SPIDR: variants seen among roughly 807,000 people sequenced by gnomAD.
SPIDR encodes scaffold protein involved in DNA repair, also known as DNA repair-scaffolding protein.
SPIDR carries 93 observed loss-of-function variants against 104.6 expected under a neutral mutation model. The observed-to-expected ratio is 0.89, with a 90% CI of 0.75 to 1.06. SPIDR has a LOEUF of 1.06. SPIDR is among the 50% of genes least tolerant of loss of function. The pLI, the probability that SPIDR is intolerant of heterozygous loss-of-function variation, is 0.00. For synonymous variants in SPIDR, 431 were observed against 416.9 expected (o/e 1.03, Z -0.41); for missense variants, 1,154 against 1,111.2 (o/e 1.04, Z -0.55).
At chr8:47,337,878 A>T (rs1204554342) in intron 5 of SPIDR, among the ~76,000 whole-genome samples, 2 of 152,182 alleles carry the variant, frequency 1.3e-5, no homozygotes, top group African/African-American at 4.8e-5. Context: ...CTTGTGAAAA[A>T]TTAGTTTACT....
chr8:47,488,196 A>G lies in SPIDR; in HGVS notation c.1097+47654A>G, dbSNP rs549485091. ...TCACCACCGGTCCCACAGAAATGCA[A>G]ACTACCATCAGAGAATACTATAAAC... On this transcript the variant is annotated intron_variant, in intron 8 of 19. Transcript: ENST00000297423. 3.3e-5 allele frequency among the ~76,000 whole-genome samples: 5 copies of G among 152,352 alleles called. No homozygotes were observed. In the South Asian group the frequency reaches 8.3e-4, roughly 25 times the overall value.
At chr8:47,574,825 G>T (rs2058896875) in intron 8 of SPIDR, among the ~76,000 whole-genome samples, 1 of 151,934 alleles carries the variant, frequency 6.6e-6, no homozygotes, top group African/African-American at 2.4e-5. Flanking sequence ...TTTTATCAAG[G>T]CAATCTGTAT....
intron 5 of SPIDR, among the ~76,000 whole-genome samples, chr8:47,350,401 C>T (rs1215243895): frequency 1.3e-5 from 2 of 152,208 alleles, no homozygotes; most frequent in Non-Finnish European, 1.5e-5. Flanking sequence ...GCAACCTCTA[C>T]CTCCTGGGTT....
chr8:47,511,258 G>C, intron 8 of SPIDR: 1 of 1,579,488 alleles, frequency 6.3e-7, no homozygotes, highest in Middle Eastern at 1.8e-4. Context: ...TTGGATGTTT[G>C]TGGTAGTCTC....
intron 5 of SPIDR, among the ~76,000 whole-genome samples, chr8:47,350,547 T>C (rs1356415777): frequency 1.3e-5 from 2 of 151,940 alleles, no homozygotes; most frequent in African/African-American, 4.8e-5. Context: ...CTCTTGACAT[T>C]AAGTGATCTG....
chr8:47,364,141 T>G (rs1158764000), intron 5 of SPIDR, among the ~76,000 whole-genome samples: 2 of 152,250 alleles, frequency 1.3e-5, no homozygotes, highest in Non-Finnish European at 2.9e-5. Context: ...GTTTGGTTCT[T>G]GATGAAAGTA....
intron 8 of SPIDR, among the ~76,000 whole-genome samples, chr8:47,588,648 A>G (rs1023170022): frequency 6.6e-6 from 1 of 152,126 alleles, no homozygotes; most frequent in Non-Finnish European, 1.5e-5. Context: ...CTTGTTTTCC[A>G]TCTTAGGTGG....
At chr8:47,343,783 A>G (rs1260277394) in intron 5 of SPIDR, among the ~76,000 whole-genome samples, 1 of 152,106 alleles carries the variant, frequency 6.6e-6, no homozygotes, top group Non-Finnish European at 1.5e-5. Context: ...TTTCATTCCC[A>G]GAAGTTTCTA....
chr8:47,643,840 G>C (rs1413837905), intron 10 of SPIDR, among the ~76,000 whole-genome samples: 1 of 152,124 alleles, frequency 6.6e-6, no homozygotes, highest in African/African-American at 2.4e-5. Context: ...TCATGAAATA[G>C]AAATTCAGCT....
At chr8:47,700,579 C>A in intron 12 of SPIDR, 89 bp downstream of exon 12, 1 of 1,289,980 alleles carries the variant, frequency 7.8e-7, no homozygotes, top group South Asian at 1.2e-5. Context: ...CTCACATGGT[C>A]TGTGTCCCCT....
chr8:47,413,629 C>T (rs1461635194), intron 7 of SPIDR, among the ~76,000 whole-genome samples: 1 of 152,150 alleles, frequency 6.6e-6, no homozygotes, highest in African/African-American at 2.4e-5. Flanking sequence ...CATGGGCGAA[C>T]TTTGAATTGG....
chr8:47,386,059 T>C (rs1457079878), intron 5 of SPIDR, among the ~76,000 whole-genome samples: 1 of 151,482 alleles, frequency 6.6e-6, no homozygotes, highest in African/African-American at 2.4e-5. Context: ...GGGATCCAGC[T>C]TTTTTTTTCT....
intron 14 of SPIDR, among the ~76,000 whole-genome samples, chr8:47,705,553 C>T (rs1395184395): frequency 6.6e-6 from 1 of 152,170 alleles, no homozygotes; most frequent in Non-Finnish European, 1.5e-5. Flanking sequence ...GCATCCTTGG[C>T]AGTGAGGGTT....
intron 8 of SPIDR, among the ~76,000 whole-genome samples, chr8:47,516,381 A>G (rs547975458): frequency 2.1e-4 from 32 of 152,336 alleles, no homozygotes; most frequent in African/African-American, 7.2e-4. Flanking sequence ...CTTCATTTCC[A>G]GAACTTTTTC....
intron 8 of SPIDR, chr8:47,592,271 A>C (rs1201453132): frequency 8.3e-7 from 1 of 1,203,876 alleles, no homozygotes; most frequent in Non-Finnish European, 1.2e-6. Flanking sequence ...AGCACATAAC[A>C]AGGCCTGGGT....
At chr8:47,708,307 A>C (rs1365662386) in intron 14 of SPIDR, among the ~76,000 whole-genome samples, 2 of 152,224 alleles carry the variant, frequency 1.3e-5, no homozygotes, top group Admixed American at 1.3e-4. Flanking sequence ...TCAAAAACAA[A>C]CAAACAAACA....
At chr8:47,657,964 A>G (rs910944116) in intron 10 of SPIDR, among the ~76,000 whole-genome samples, 1 of 141,030 alleles carries the variant, frequency 7.1e-6, no homozygotes, top group African/African-American at 2.6e-5. Flanking sequence ...CAGGAGGTTG[A>G]GGCTGCACTG....
chr8:47,577,009 T>C (rs2059205277), intron 8 of SPIDR, among the ~76,000 whole-genome samples: 1 of 152,230 alleles, frequency 6.6e-6, no homozygotes, highest in African/African-American at 2.4e-5. Flanking sequence ...ATGTTTATTA[T>C]AAAATGTGCG....
chr8:47,653,150 C>G (rs994548268), intron 10 of SPIDR, among the ~76,000 whole-genome samples: 1 of 152,138 alleles, frequency 6.6e-6, no homozygotes, highest in African/African-American at 2.4e-5. Flanking sequence ...GGCTTTATTC[C>G]CTCCAAGAAC....
Sources: allele counts gnomAD v4.1 joint callset (sites outside exome capture counted in the v4.1 genomes callset), GRCh38; gene constraint gnomAD v4.1.1; transcripts MANE v1.5; gene names NCBI Gene and HGNC (gene_info 2026-07-23, HGNC 2026-07-21).